Variants in SMTN observed in about 807,000 individuals in gnomAD.
The protein encoded by SMTN is smoothelin.
SMTN carries 58 observed loss-of-function variants against 102.0 expected under a neutral mutation model. That is an observed-to-expected ratio of 0.57 (90% CI 0.46 to 0.71). SMTN has a LOEUF of 0.71. Among genes scored for constraint, SMTN ranks in the 30% least tolerant of loss-of-function variants. The pLI, the probability that SMTN is intolerant of heterozygous loss-of-function variation, is 0.00. For missense variants in SMTN, 1,185 were observed against 1,241.7 expected (o/e 0.95, Z 0.69); for synonymous variants, 478 against 497.9 (o/e 0.96, Z 0.53).
chr22:31,091,278 C>G lies in SMTN; in HGVS notation c.1255C>G (p.Arg419Gly). The G allele has an allele frequency of 6.3e-7, 1 of 1,597,764 alleles. No homozygotes were observed. The highest frequency in any genetic ancestry group is 1.1e-5 in the South Asian group (1 of 89,672). Reference sequence around the variant, plus strand: ...CCCCCAGGAGGAGGGCCCCAGGGGGCGGGGCTTGGCTGCTAGGCCCCTTGA... The same window carrying G: ...CCCCCAGGAGGAGGGCCCCAGGGGGGGGGGCTTGGCTGCTAGGCCCCTTGA... ...SCPQEEGPRG[R>G]GLAARPLENR... is the part of the protein sequence containing the mutation. Residue 419 changes from arginine to glycine, a missense_variant, in exon 10 of 21, where the codon CGG becomes GGG. By Grantham distance (125) the Arg-to-Gly change is moderately radical (BLOSUM62 -2). Around this residue, in one of 2 missense-constraint regions of SMTN, gnomAD observed 1,096 missense variants for 1,112.7 expected, o/e 0.98. Transcript: ENST00000333137.
chr22:31,087,974 A>G lies in SMTN; in HGVS notation c.61A>G (p.Thr21Ala), dbSNP rs1356751077. ...CTCGCACCCACTGCAGCTGGAGGTCACAGCAGATCTGGCAGAGCGGCGGCG... is the reference window on the plus strand; with the variant it reads ...CTCGCACCCACTGCAGCTGGAGGTCGCAGCAGATCTGGCAGAGCGGCGGCG... Reference protein sequence around the residue: ...EGALRKLLEVTADLAERRRIR... With the variant: ...EGALRKLLEVAADLAERRRIR... Residue 21 changes from threonine to alanine, a missense_variant, in exon 3 of 21, where the codon ACA (threonine) becomes GCA (alanine). By Grantham distance (58) the Thr-to-Ala change is moderately conservative. Around this residue, in one of 2 missense-constraint regions of SMTN, gnomAD observed 1,096 missense variants for 1,112.7 expected, o/e 0.98. Transcript: ENST00000333137. 5.0e-6 allele frequency: 8 copies of G among 1,597,388 alleles called. No individual in the cohort carries two copies. The highest frequency in any genetic ancestry group is 6.8e-6 in the Non-Finnish European group (8 of 1,168,666).
intron 1 of SMTN, among the ~76,000 whole-genome samples, chr22:31,070,548 T>C (rs1381050569): frequency 6.6e-6 from 1 of 152,168 alleles, no homozygotes; most frequent in Non-Finnish European, 1.5e-5. Context: ...ATTTCTTATC[T>C]TCCAGACTTG....
chr22:31,093,687 C>A (rs1183903804), intron 11 of SMTN: 1 of 913,604 alleles, frequency 1.1e-6, no homozygotes, highest in Non-Finnish European at 1.8e-6. Flanking sequence ...AGGTGCTGAG[C>A]CTACGGCTGG....
chr22:31,070,510 C>T (rs1443977044), intron 1 of SMTN, among the ~76,000 whole-genome samples: 1 of 152,040 alleles, frequency 6.6e-6, no homozygotes, highest in African/African-American at 2.4e-5. Context: ...ACCCCCACGT[C>T]GAGACCAACT....
Position 31,091,775 on chromosome 22 carries a change from G to C in SMTN, c.1560G>C (p.Arg520=). 1.9e-6 allele frequency: 3 copies of C among 1,610,222 alleles called. No individual in the cohort carries two copies. The change falls in exon 11 of 21, where the codon CGG becomes CGC. Residue 520 remains arginine, a synonymous_variant. Transcript: ENST00000333137. ...TRVNSPGTLA[R]LGSVTHVTSF... is the part of the protein sequence containing the mutation. ...TCAACAGCCCTGGGACCCTGGCTCG[G>C]CTGGGCAGTGTCACTCATGTCACCA...
At chr22:31,084,485 G>A (rs2042526483) in intron 2 of SMTN, among the ~76,000 whole-genome samples, 1 of 152,178 alleles carries the variant, frequency 6.6e-6, no homozygotes, top group African/African-American at 2.4e-5. Context: ...CACTATCACC[G>A]CAGGATGTGT....
At chr22:31,104,089 GC>G (rs1003683018) in intron 20 of SMTN, 9 of 563,354 alleles carry the variant, frequency 1.6e-5, no homozygotes, top group African/African-American at 3.7e-5. Context: ...GCTCTCTTCT[GC>G]CATCTCCGCC....
chr22:31,100,900 C>T lies in SMTN; in HGVS notation c.2619C>T (p.Cys873=), dbSNP rs1257779332. ...AFSSAETHAD[C]PQLLDTEDMV... ...CCCTCCCCAGGACCCATGCGGACTG[C>T]CCGCAGCTCCTGGATACAGAGGACA... Residue 873 remains cysteine, a synonymous_variant, in exon 20 of 21, where the codon TGC becomes TGT. Coordinates refer to ENST00000333137, the MANE Select transcript of SMTN (RefSeq NM_134269.3). The T allele has an allele frequency of 1.3e-6, 2 of 1,597,564 alleles. No individual in the cohort carries two copies. Among genetic ancestry groups the T allele is most frequent in the Admixed American group, 3.4e-5 (2 of 59,154 alleles).
chr22:31,104,098 G>A (rs559842079), intron 20 of SMTN: 10 of 568,912 alleles, frequency 1.8e-5, no homozygotes, highest in African/African-American at 9.3e-5. Flanking sequence ...TGCCATCTCC[G>A]CCTCCACCTG....
intron 11 of SMTN, among the ~76,000 whole-genome samples, chr22:31,094,535 A>T (rs1440317308): frequency 6.6e-6 from 1 of 152,216 alleles, no homozygotes; most frequent in Non-Finnish European, 1.5e-5. Context: ...GGGGGCTGGG[A>T]ACAAAGCAGC....
At chr22:31,104,038 GTTGGAGGAAGCAGAC>G in intron 20 of SMTN, 1 of 469,756 alleles carries the variant, frequency 2.1e-6, no homozygotes, top group South Asian at 3.3e-5. Context: ...CCTCCCCAGG[GTTGGAGGAAGCAGAC>G]CCAGGACCTG....
chr22:31,071,698 T>C (rs8137587), intron 1 of SMTN, among the ~76,000 whole-genome samples: 1,990 of 89,360 alleles, frequency 0.022, 36 homozygotes, highest in African/African-American at 0.13. Context: ...CTCTCTCTCT[T>C]TTTTTTTTTT....
At chr22:31,085,099 C>T (rs2042583128) in intron 2 of SMTN, 1 of 1,535,108 alleles carries the variant, frequency 6.5e-7, no homozygotes, top group African/African-American at 1.4e-5. Flanking sequence ...CGCCTGGGGA[C>T]TTGCACGCCG....
chr22:31,099,255 T>G, intron 18 of SMTN, 76 bp downstream of exon 18: 3 of 908,854 alleles, frequency 3.3e-6, no homozygotes, highest in Non-Finnish European at 5.2e-6. Context: ...GCAGAGCTCC[T>G]ATTACCCAGT....
chr22:31,079,349 C>T (rs1355878217), upstream of SMTN, among the ~76,000 whole-genome samples: 1 of 152,228 alleles, frequency 6.6e-6, no homozygotes, highest in Non-Finnish European at 1.5e-5. Context: ...GGGCAGGACC[C>T]ACACATCCCT....
At chr22:31,083,346 G>A (rs1602591682) in intron 2 of SMTN, 37 bp downstream of exon 2, 5 of 1,511,342 alleles carry the variant, frequency 3.3e-6, no homozygotes, top group East Asian at 2.3e-5. Context: ...GGACAGGAAA[G>A]CCAAGCCAGA....
chr22:31,086,099 A>G (rs954622762), intron 2 of SMTN, among the ~76,000 whole-genome samples: 2 of 152,172 alleles, frequency 1.3e-5, no homozygotes, highest in Admixed American at 1.3e-4. Flanking sequence ...TAGGCCTGAG[A>G]CACAGCCAGC....
At chr22:31,084,943 G>C in intron 2 of SMTN, 1 of 1,364,964 alleles carries the variant, frequency 7.3e-7, no homozygotes. Flanking sequence ...TCCTCCCCGC[G>C]GGGCCGGGCC....
chr22:31,099,640 C>G, intron 18 of SMTN, 105 bp from the exon 19 acceptor site: 1 of 1,273,522 alleles, frequency 7.9e-7, no homozygotes, highest in South Asian at 1.4e-5. Context: ...GCTACGGGGC[C>G]TCTTTGTGCC....
Sources: allele counts gnomAD v4.1 joint callset (sites outside exome capture counted in the v4.1 genomes callset), GRCh38; gene constraint gnomAD v4.1.1; regional missense constraint gnomAD v4.1.1; transcripts MANE v1.5; gene names NCBI Gene and HGNC (gene_info 2026-07-23, HGNC 2026-07-21).